The following ACTR10 variants were observed in gnomAD, a reference collection of about 807,000 sequenced individuals.
ACTR10 encodes the protein actin-related protein 10.
ACTR10 carries 43 observed loss-of-function variants against 56.2 expected under a neutral mutation model. The ratio of observed to expected loss-of-function variants is 0.77; its 90% CI spans 0.60 to 0.99. The LOEUF is 0.99. Ranked by LOEUF, ACTR10 falls within the 50% of genes least tolerant of loss-of-function variation. The pLI, the probability that ACTR10 is intolerant of heterozygous loss-of-function variation, is 0.00. For missense variants in ACTR10, 466 were observed against 507.8 expected (o/e 0.92, Z 0.79); for synonymous variants, 170 against 176.3 (o/e 0.96, Z 0.28).
At chr14:58,208,967 T>C (rs1471763586) in intron 3 of ACTR10, 32 bp from the exon 4 acceptor site, 2 of 1,466,000 alleles carry the variant, frequency 1.4e-6, no homozygotes, top group Non-Finnish European at 1.9e-6. Context: ...ATAAAAACTT[T>C]TACTTTTAAA....
chr14:58,210,910 G>C (rs1888977486), intron 4 of ACTR10, among the ~76,000 whole-genome samples: 1 of 151,954 alleles, frequency 6.6e-6, no homozygotes, highest in African/African-American at 2.4e-5. Context: ...CCTGACCTCG[G>C]GTGATCCGCC....
intron 8 of ACTR10, among the ~76,000 whole-genome samples, chr14:58,222,015 C>T (rs532397595): frequency 1.3e-5 from 2 of 152,262 alleles, no homozygotes; most frequent in East Asian, 3.9e-4. Flanking sequence ...GCTTTAGTGC[C>T]TAGCTCACTG....
chr14:58,221,937 T>C (rs1889282532), intron 8 of ACTR10, among the ~76,000 whole-genome samples: 1 of 151,808 alleles, frequency 6.6e-6, no homozygotes, highest in African/African-American at 2.4e-5. Context: ...AAAAAAGATC[T>C]CAAGGCTAGG....
chr14:58,205,902 G>C (rs996430048), intron 2 of ACTR10, among the ~76,000 whole-genome samples: 24 of 151,752 alleles, frequency 1.6e-4, no homozygotes, highest in Non-Finnish European at 3.1e-4. Context: ...GGCACCTGTG[G>C]TCCCAGCTAC....
rs1412143285 is a variant in ACTR10 at position 58,209,072 on chromosome 14, G to A, written c.307G>A (p.Glu103Lys). 3 of 1,608,268 alleles carry A rather than the reference G, an allele frequency of 1.9e-6. No homozygotes were observed. Among genetic ancestry groups the A allele is most frequent in the Non-Finnish European group, 1.7e-6 (2 of 1,176,952 alleles). The change falls in exon 4 of 13, where the codon GAG becomes AAG. Residue 103 changes from glutamate (E) to lysine (K), a missense_variant. Coordinates refer to ENST00000254286, the MANE Select transcript of ACTR10 (RefSeq NM_018477.3). The stretch of plus-strand genomic sequence containing the variant: ...GGTATTATGTCCTTCTCACTTCAGA[G>A]AGACACTCACTCGTGTTCTTTTCAA... Reference protein sequence around the residue: ...ESVLCPSHFRETLTRVLFKYF... With the variant: ...ESVLCPSHFRKTLTRVLFKYF...
chr14:58,210,902 T>G (rs1416965945), intron 4 of ACTR10, among the ~76,000 whole-genome samples: 1 of 152,186 alleles, frequency 6.6e-6, no homozygotes, highest in East Asian at 1.9e-4. Context: ...TTCGAACTCC[T>G]GACCTCGGGT....
intron 6 of ACTR10, among the ~76,000 whole-genome samples, chr14:58,214,039 A>G (rs1470057203): frequency 6.6e-6 from 1 of 152,186 alleles, no homozygotes; most frequent in African/African-American, 2.4e-5. Context: ...TACTCTTTAC[A>G]TGATTTTAAA....
chr14:58,228,301 G>A (rs1889447503), intron 10 of ACTR10, among the ~76,000 whole-genome samples: 1 of 152,168 alleles, frequency 6.6e-6, no homozygotes, highest in African/African-American at 2.4e-5. Flanking sequence ...AGGGAAAGAA[G>A]GAAGTACTTA....
chr14:58,233,359 A>G (rs1478157257), intron 12 of ACTR10, among the ~76,000 whole-genome samples: 1 of 152,174 alleles, frequency 6.6e-6, no homozygotes, highest in Non-Finnish European at 1.5e-5. Flanking sequence ...ATGGGTTTGA[A>G]TTATGTGGGT....
intron 10 of ACTR10, among the ~76,000 whole-genome samples, chr14:58,226,106 A>T (rs1048792898): frequency 5.7e-4 from 87 of 151,740 alleles, no homozygotes; most frequent in African/African-American, 1.5e-3. Context: ...ACAAAAAAAA[A>T]TTTTTTTTTA....
In ACTR10 at chr14:58,234,270, C is replaced by G. The variant is rs1889615111; in HGVS notation, c.1073-100C>G. The G allele has an allele frequency of 1.2e-5, 12 of 1,007,842 alleles. No homozygotes were observed. The South Asian group carries it at 2.8e-4, about 23-fold the overall frequency. The allele number at this position is 1,007,842 out of a possible 1,614,324, so 62.4% of individuals were successfully genotyped here. ...TGTGGCTATGCATTGCTGAATTTTA[C>G]CAGTCCACTTTTGTCATATAGTGAA... On this transcript the variant is annotated intron_variant, in intron 12 of 12. Coordinates refer to ENST00000254286, the MANE Select transcript of ACTR10 (RefSeq NM_018477.3).
chr14:58,200,515 G>T (rs965912561), intron 1 of ACTR10, among the ~76,000 whole-genome samples: 3 of 152,172 alleles, frequency 2.0e-5, no homozygotes, highest in South Asian at 2.1e-4. Flanking sequence ...GAAAGCTTCT[G>T]TTGAATTGCC....
chr14:58,203,578 A>C (rs1233739539), intron 2 of ACTR10, among the ~76,000 whole-genome samples: 2 of 152,104 alleles, frequency 1.3e-5, no homozygotes, highest in Non-Finnish European at 2.9e-5. Context: ...TCTTTTCTGT[A>C]CATTTTATGT....
Position 58,234,025 on chromosome 14 carries a change from TGA to T in ACTR10, c.1073-338_1073-337del, listed in dbSNP as rs144123984. 4.3e-3 allele frequency among the ~76,000 whole-genome samples: 653 copies of T among 152,274 alleles called. 16 individuals are homozygous for T. The East Asian group carries it at 0.087, about 20-fold the overall frequency. ...ATTTATTGATATGTAACCTTAGTTG[TGA>T]GAGAGAAAACTCAGAATCTTATTGA... On this transcript the variant is annotated intron_variant, in intron 12 of 12. Transcript: ENST00000254286.
rs1889220202 is a variant in ACTR10, at chr14:58,219,743, T to A, written c.634+14T>A. 1.3e-6 allele frequency: 2 copies of A among 1,511,080 alleles called. No homozygotes were observed. Among genetic ancestry groups the A allele is most frequent in the Non-Finnish European group, 1.8e-6 (2 of 1,125,730 alleles). 93.6% of individuals were successfully genotyped at this position (1,511,080 alleles called of 1,614,324 possible). A position where few individuals can be genotyped will look rare whatever the true frequency, so the allele number is the denominator to read the frequency against. The stretch of plus-strand genomic sequence containing the variant: ...AGGACATTAAAGGTAAACTAAGTTC[T>A]CATTTTTGTCCCTTTCATCCTTAAG... On this transcript the variant is annotated intron_variant, in intron 8 of 12. Coordinates refer to ENST00000254286, the MANE Select transcript of ACTR10 (RefSeq NM_018477.3).
intron 6 of ACTR10, 99 bp downstream of exon 6, chr14:58,213,797 G>A (rs1196031189): frequency 1.6e-5 from 13 of 816,262 alleles, no homozygotes; most frequent in East Asian, 8.4e-5. Context: ...CTTGTGATAC[G>A]GACAGTGAAT....
At chr14:58,201,007 C>T (rs1888692297) in intron 1 of ACTR10, among the ~76,000 whole-genome samples, 1 of 152,176 alleles carries the variant, frequency 6.6e-6, no homozygotes, top group South Asian at 2.1e-4. Context: ...TCAATGTGGT[C>T]CTGGGACCCT....
rs143709847 is a variant in ACTR10, at chr14:58,211,820, G to A, written c.450+421G>A. Among the ~76,000 whole-genome samples, 537 of 152,096 alleles carry A rather than the reference G, an allele frequency of 3.5e-3. 2 individuals carry two copies. Among genetic ancestry groups the A allele is most frequent in the African/African-American group, 0.012 (507 of 41,500 alleles). ...GCTGAAGAGCTCACTGGCCTCTGTAGTCGCAGCTACTCAGGAGGCTGAGAC... is the reference window on the plus strand; with the variant it reads ...GCTGAAGAGCTCACTGGCCTCTGTAATCGCAGCTACTCAGGAGGCTGAGAC... On this transcript the variant is annotated intron_variant, in intron 5 of 12. Transcript: ENST00000254286.
intron 12 of ACTR10, among the ~76,000 whole-genome samples, chr14:58,232,485 G>A (rs1434536079): frequency 7.6e-6 from 1 of 132,356 alleles, no homozygotes; most frequent in East Asian, 2.2e-4. Context: ...GTGCGATCTC[G>A]GCTCACTGCA....
Sources: allele counts gnomAD v4.1 joint callset (sites outside exome capture counted in the v4.1 genomes callset), GRCh38; gene constraint gnomAD v4.1.1; transcripts MANE v1.5; gene names NCBI Gene and HGNC (gene_info 2026-07-23, HGNC 2026-07-21).